Variants in TASP1 observed in about 807,000 individuals in gnomAD.
TASP1 encodes the protein threonine aspartase 1.
Under a neutral mutation model 56.6 loss-of-function variants are expected in TASP1, and 16 were observed. That is an observed-to-expected ratio of 0.28 (90% CI 0.19 to 0.43). TASP1 has a LOEUF of 0.43. Ranked by LOEUF, TASP1 falls within the 20% of genes least tolerant of loss-of-function variation. TASP1 has a pLI of 1.00. For missense variants in TASP1, 393 were observed against 511.6 expected (o/e 0.77, Z 2.24); for synonymous variants, 179 against 184.2 (o/e 0.97, Z 0.23).
chr20:13,127,526 G>A, the TASP1 span, among the ~76,000 whole-genome samples: 1 of 152,210 alleles, frequency 6.6e-6, no homozygotes, highest in African/African-American at 2.4e-5. Context: ...TGCTATTTCA[G>A]TAGAAGTATG....
At chr20:13,456,310 T>C (rs2043831625) in intron 11 of TASP1, among the ~76,000 whole-genome samples, 1 of 152,082 alleles carries the variant, frequency 6.6e-6, no homozygotes, top group Non-Finnish European at 1.5e-5. Context: ...GAAAAATGCC[T>C]AGGAAGACTT....
the TASP1 span, among the ~76,000 whole-genome samples, chr20:13,202,035 G>A: frequency 2.6e-5 from 4 of 152,138 alleles, no homozygotes; most frequent in Admixed American, 2.6e-4. Flanking sequence ...TTACAGGCAT[G>A]AGCCACCGCG....
At chr20:13,183,919 C>T in the TASP1 span, among the ~76,000 whole-genome samples, 5 of 151,412 alleles carry the variant, frequency 3.3e-5, no homozygotes, top group Admixed American at 6.6e-5. Context: ...ATCGCAGCTA[C>T]TCAGGAGGCT....
At chr20:13,181,199 C>T in the TASP1 span, among the ~76,000 whole-genome samples, 2 of 152,344 alleles carry the variant, frequency 1.3e-5, no homozygotes, top group East Asian at 3.9e-4. Context: ...GCACCTTGGC[C>T]TCTTTGCCAC....
At chr20:13,143,882 G>A in the TASP1 span, among the ~76,000 whole-genome samples, 7 of 152,122 alleles carry the variant, frequency 4.6e-5, no homozygotes, top group East Asian at 1.9e-4. Flanking sequence ...ACAGCTCCTC[G>A]CCCATTTCAG....
At chr20:13,507,577 T>G (rs2044177636) in intron 10 of TASP1, among the ~76,000 whole-genome samples, 1 of 151,496 alleles carries the variant, frequency 6.6e-6, no homozygotes, top group Admixed American at 6.6e-5. Flanking sequence ...ATGAAGAAAC[T>G]GAAGAAAAAA....
chr20:13,537,636 T>C (rs903380987), intron 8 of TASP1, among the ~76,000 whole-genome samples: 5 of 152,216 alleles, frequency 3.3e-5, no homozygotes, highest in African/African-American at 9.6e-5. Context: ...CATATACCTA[T>C]TGTCCTTGAC....
At chr20:13,596,434 G>A (rs2047735237) in intron 4 of TASP1, among the ~76,000 whole-genome samples, 1 of 151,052 alleles carries the variant, frequency 6.6e-6, no homozygotes, top group Non-Finnish European at 1.5e-5. Flanking sequence ...AATGACTACT[G>A]GGTAAATAAC....
At chr20:13,465,178 C>CA (rs771255579) in intron 11 of TASP1, among the ~76,000 whole-genome samples, 6,083 of 54,070 alleles carry the variant, frequency 0.11, 106 homozygotes, top group African/African-American at 0.13. Flanking sequence ...TTCTCTCTCC[C>CA]AAAAAAAAAA....
At chr20:13,528,219 C>CA (rs397942980) in intron 10 of TASP1, among the ~76,000 whole-genome samples, 10,647 of 54,352 alleles carry the variant, frequency 0.2, 1,557 homozygotes, top group Non-Finnish European at 0.24. Context: ...GACTCTGACT[C>CA]AAAAAAAAAA....
intron 13 of TASP1, among the ~76,000 whole-genome samples, chr20:13,395,868 A>T (rs866167803): frequency 4.9e-5 from 7 of 142,634 alleles, no homozygotes; most frequent in Middle Eastern, 7.2e-3. Context: ...CACCTGGCTA[A>T]TTTTTTTTTT....
the TASP1 span, among the ~76,000 whole-genome samples, chr20:13,188,637 C>T: frequency 6.6e-6 from 1 of 151,826 alleles, no homozygotes; most frequent in South Asian, 2.1e-4. Flanking sequence ...CAATGTAATC[C>T]CCATCAAATA....
the TASP1 span, among the ~76,000 whole-genome samples, chr20:13,129,798 C>A: frequency 6.6e-6 from 1 of 152,216 alleles, no homozygotes; most frequent in Non-Finnish European, 1.5e-5. Context: ...CAGTAATCAT[C>A]TGCCATCAAT....
At chr20:13,179,406 CGTGTGTGTGTGTGTGT>C in the TASP1 span, among the ~76,000 whole-genome samples, 1 of 143,402 alleles carries the variant, frequency 7.0e-6, no homozygotes, top group Non-Finnish European at 1.5e-5. Context: ...GAATTATGTG[CGTGTGTGTGTGTGTGT>C]GTGTGTGTGT....
the TASP1 span, among the ~76,000 whole-genome samples, chr20:13,312,666 G>A: frequency 1.3e-5 from 2 of 152,272 alleles, no homozygotes; most frequent in East Asian, 3.9e-4. Context: ...AGGGAGCCAA[G>A]GAGACATAAT....
the TASP1 span, among the ~76,000 whole-genome samples, chr20:13,313,006 G>A: frequency 2.6e-5 from 4 of 152,108 alleles, no homozygotes; most frequent in African/African-American, 9.7e-5. Flanking sequence ...AGCCTCATCT[G>A]CGCATCTTCC....
the TASP1 span, among the ~76,000 whole-genome samples, chr20:13,150,517 G>A: frequency 1.4e-4 from 21 of 152,048 alleles, no homozygotes; most frequent in Non-Finnish European, 8.8e-5. Flanking sequence ...TTCCATCCAG[G>A]GACTCCAAAG....
chr20:13,156,037 C>T, the TASP1 span, among the ~76,000 whole-genome samples: 2 of 152,032 alleles, frequency 1.3e-5, no homozygotes, highest in Admixed American at 1.3e-4. Flanking sequence ...AGATCTTTAA[C>T]CATCTGATTT....
At chr20:13,251,261 C>G in the TASP1 span, among the ~76,000 whole-genome samples, 2 of 152,322 alleles carry the variant, frequency 1.3e-5, no homozygotes, top group South Asian at 2.1e-4. Context: ...TCTCACCCCC[C>G]TTCCACAGGC....
Sources: allele counts gnomAD v4.1 joint callset (sites outside exome capture counted in the v4.1 genomes callset), GRCh38; gene constraint gnomAD v4.1.1; transcripts MANE v1.5; gene names NCBI Gene and HGNC (gene_info 2026-07-23, HGNC 2026-07-21).